The following ELN variants were observed in gnomAD, a reference collection of about 807,000 sequenced individuals.
ELN encodes the protein elastin.
ELN carries 65 observed loss-of-function variants against 105.8 expected under a neutral mutation model. The observed-to-expected ratio is 0.61, with a 90% confidence interval of 0.50 to 0.75. The LOEUF (loss-of-function observed/expected upper bound fraction) is 0.75. ELN is among the 30% of genes least tolerant of loss of function. The pLI is 0.00. For missense variants in ELN, 882 were observed against 969.4 expected, an observed-to-expected ratio of 0.91 and a Z score of 1.20; for synonymous variants, 368 against 389.2, an observed-to-expected ratio of 0.95 and a Z score of 0.64.
chr7:74,064,038 G>C (rs897250488), intron 29 of ELN, among the ~76,000 whole-genome samples: 1 of 151,846 alleles, frequency 6.6e-6, no homozygotes, highest in Non-Finnish European at 1.5e-5. Flanking sequence ...AGGAGGCAGA[G>C]GCTGCAGTGA....
chr7:74,052,664 CGGAAGGAAGGAA>C lies in ELN; in HGVS notation c.950-484_950-473del, dbSNP rs782375003. The C allele has an allele frequency of 6.9e-5, 8 of 115,746 alleles. No individual in the cohort carries two copies. The South Asian group carries it at 1.6e-3, about 23-fold the overall frequency. 7.2% of individuals were successfully genotyped at this position (115,746 alleles called of 1,614,324 possible). ...AAAGAAGGAAGGAAGGAAGGAAAGA[CGGAAGGAAGGAA>C]GGAAGGAAGGAAGGGAGGGAGGGAG... On this transcript the variant is annotated intron_variant, in intron 17 of 32. Transcript: ENST00000252034.
At chr7:74,043,274 G>A (rs988241399) in intron 8 of ELN, 106 bp downstream of exon 8, 149 of 1,496,946 alleles carry the variant, frequency 1.0e-4, no homozygotes, top group Non-Finnish European at 1.3e-4. Flanking sequence ...GGAAGGGCAG[G>A]GCCTGGCTTC....
At chr7:74,065,840 T>C in intron 30 of ELN, 104 bp from the exon 31 acceptor site, 2 of 1,609,788 alleles carry the variant, frequency 1.2e-6, no homozygotes, top group Non-Finnish European at 8.5e-7. Context: ...CCCCTACCCC[T>C]GAAGATCTTG....
intron 29 of ELN, among the ~76,000 whole-genome samples, chr7:74,064,613 C>G (rs1207427274): frequency 2.0e-5 from 3 of 152,026 alleles, no homozygotes; most frequent in African/African-American, 7.2e-5. Flanking sequence ...AAGACCTCAT[C>G]CCAAAACAAA....
intron 4 of ELN, among the ~76,000 whole-genome samples, chr7:74,040,028 G>A (rs1790821485): frequency 6.6e-6 from 1 of 152,194 alleles, no homozygotes; most frequent in Non-Finnish European, 1.5e-5. Flanking sequence ...ATTTGGGGCA[G>A]GTGAGTGCAA....
chr7:74,068,626 C>A (rs1554690541), intron 32 of ELN, 31 bp from the exon 33 acceptor site: 1 of 1,614,074 alleles, frequency 6.2e-7, no homozygotes, highest in Admixed American at 1.7e-5. Context: ...AGGGGCCGGA[C>A]TCACAGTGAT....
chr7:74,045,763 A>T (rs1792323900), intron 10 of ELN: 2 of 300,132 alleles, frequency 6.7e-6, no homozygotes, highest in Non-Finnish European at 6.4e-6. Flanking sequence ...AAGAAAGAAA[A>T]GAGGGCCAGA....
Position 74,059,952 on chromosome 7 carries a change from G to A in ELN, c.1481G>A (p.Gly494Glu), listed in dbSNP as rs56307747. ...GCTCCTGGTGTCGGTGTGGCTCCTG[G>A]AGTTGGCTTGGCTCCTGGAGTTGGC... ...GVAPGVGVAPGVGLAPGVGVA... is the reference protein window; with the variant it reads ...GVAPGVGVAPEVGLAPGVGVA... The change falls in exon 23 of 33, where the codon GGA (glycine) becomes GAA (glutamate). Residue 494 changes from glycine (G) to glutamate (E), a missense_variant. Gly to Glu is a moderately conservative substitution (Grantham distance 98). Transcript: ENST00000252034. The A allele has an allele frequency of 1.2e-6, 2 of 1,611,656 alleles. No homozygotes were observed. The highest frequency in any genetic ancestry group is 2.7e-5 in the African/African-American group (2 of 74,770).
chr7:74,056,831 C>G (rs370274269), intron 21 of ELN, 118 bp downstream of exon 21: 1 of 1,314,320 alleles, frequency 7.6e-7, no homozygotes, highest in African/African-American at 1.4e-5. Context: ...ACCAAGGTCA[C>G]GAGGCCCCTG....
intron 25 of ELN, chr7:74,060,714 T>C: frequency 7.7e-7 from 1 of 1,303,472 alleles, no homozygotes; most frequent in Non-Finnish European, 1.1e-6. Context: ...AGTATCTGCC[T>C]CCTCAGTAGA....
At chr7:74,039,184 T>G (rs1371345171) in intron 4 of ELN, among the ~76,000 whole-genome samples, 2 of 152,214 alleles carry the variant, frequency 1.3e-5, no homozygotes, top group Non-Finnish European at 2.9e-5. Context: ...GACAGACAAC[T>G]CCCTACGAAG....
In ELN at chr7:74,063,209, C is replaced by G. The variant is rs782745470; in HGVS notation, c.1843C>G (p.Pro615Ala). 3 of 1,606,644 alleles carry G rather than the reference C, an allele frequency of 1.9e-6. No individual in the cohort carries two copies. The highest frequency in any genetic ancestry group is 1.7e-6 in the Non-Finnish European group (2 of 1,177,756). Residue 615 changes from proline (P) to alanine (A), a missense_variant, in exon 27 of 33, where the codon CCA becomes GCA. Transcript: ENST00000252034. This position sits in a 1 kb window ranked among gnomAD's most constrained non-coding sequence, Gnocchi z 4.1. ...GLGALGGVGI[P>A]GGVVGAGPAA... The stretch of plus-strand genomic sequence containing the variant: ...CGGGGCTCTCGGTGGAGTAGGCATC[C>G]CAGGCGGTGTGGTGGGTGAGTTGAA...
intron 22 of ELN, among the ~76,000 whole-genome samples, chr7:74,058,917 G>A (rs1795978317): frequency 6.6e-6 from 1 of 152,082 alleles, no homozygotes; most frequent in Non-Finnish European, 1.5e-5. Flanking sequence ...CTCACACACA[G>A]CAATCTTTAT....
At chr7:74,067,177 T>C (rs1189562961) in intron 32 of ELN, among the ~76,000 whole-genome samples, 1 of 151,894 alleles carries the variant, frequency 6.6e-6, no homozygotes, top group African/African-American at 2.4e-5. Flanking sequence ...TCCCAGCCCT[T>C]TGGGAGGCCA....
chr7:74,047,820 G>A (rs1330733387), intron 13 of ELN, 104 bp downstream of exon 13: 3 of 1,537,932 alleles, frequency 2.0e-6, no homozygotes, highest in Non-Finnish European at 2.7e-6. Context: ...GCACCTCGCT[G>A]GGGCAGGGTT....
intron 29 of ELN, among the ~76,000 whole-genome samples, chr7:74,064,202 A>G (rs1336942481): frequency 1.9e-4 from 28 of 151,270 alleles, no homozygotes; most frequent in Non-Finnish European, 2.7e-4. Context: ...GCAGATCACG[A>G]GGTCAGATCA....
chr7:74,064,163 G>A (rs1474549255), intron 29 of ELN, among the ~76,000 whole-genome samples: 17 of 150,388 alleles, frequency 1.1e-4, no homozygotes, highest in Non-Finnish European at 2.1e-4. Flanking sequence ...TCACGCCTGT[G>A]ATCCCAGCAC....
At chr7:74,037,884 T>C in intron 4 of ELN, 145 bp downstream of exon 4, 1 of 1,251,668 alleles carries the variant, frequency 8.0e-7, no homozygotes, top group African/African-American at 1.5e-5. Flanking sequence ...TGGACACCGA[T>C]TAGCCTCCCA....
intron 2 of ELN, chr7:74,035,632 G>T (rs1789751258): frequency 3.1e-6 from 2 of 645,128 alleles, no homozygotes; most frequent in Admixed American, 2.2e-5. Flanking sequence ...CACTCTGGGA[G>T]GCAGAGAAAC....
Sources: gnomAD v4.1 joint callset for allele counts (sites outside exome capture counted in the v4.1 genomes callset) on GRCh38, gnomAD v4.1.1 for gene constraint, Gnocchi (gnomAD v3.1) non-coding constraint, MANE v1.5 for transcripts, NCBI Gene and HGNC (gene_info 2026-07-23, HGNC 2026-07-21) for gene names.